Variants in ARMC2 observed in about 807,000 individuals in gnomAD.
ARMC2 encodes armadillo repeat-containing protein 2.
ARMC2 carries 67 observed loss-of-function variants against 90.3 expected under a neutral mutation model. That is an observed-to-expected ratio of 0.74 (90% CI 0.61 to 0.91). The LOEUF is 0.91. Ranked by LOEUF, ARMC2 falls within the 40% of genes least tolerant of loss-of-function variation. ARMC2 has a pLI of 0.00. For missense variants in ARMC2, 920 were observed against 1,030.9 expected (o/e 0.89, Z 1.47); for synonymous variants, 393 against 393.0 (o/e 1.00, Z 0.00).
At chr6:109,013,956 A>G in the ARMC2 span, among the ~76,000 whole-genome samples, 1 of 150,892 alleles carries the variant, frequency 6.6e-6, no homozygotes, top group Non-Finnish European at 1.5e-5. Context: ...TGGGTACATT[A>G]AGATCCTTTT....
chr6:108,888,838 C>T (rs2065861206), intron 5 of ARMC2, among the ~76,000 whole-genome samples: 1 of 152,206 alleles, frequency 6.6e-6, no homozygotes, highest in Non-Finnish European at 1.5e-5. Context: ...CACTGTCACC[C>T]TCAGATTAGT....
chr6:108,858,243 C>T lies in ARMC2; in HGVS notation c.263C>T (p.Ser88Phe). 1.2e-6 allele frequency: 2 copies of T among 1,610,924 alleles called. No individual in the cohort carries two copies. Among genetic ancestry groups the T allele is most frequent in the Non-Finnish European group, 1.7e-6 (2 of 1,177,790 alleles). Residue 88 changes from serine to phenylalanine, a missense_variant, in exon 3 of 18, where the codon TCT becomes TTT. Coordinates refer to ENST00000392644, the MANE Select transcript of ARMC2 (RefSeq NM_032131.6). ...SFESSDSRPI[S>F]GTRLSPLELK... ...GAGTCATCTGATTCCAGGCCTATCTCTGGCACACGTCTTAGTCCACTAGAG... is the reference window on the plus strand; with the variant it reads ...GAGTCATCTGATTCCAGGCCTATCTTTGGCACACGTCTTAGTCCACTAGAG...
chr6:108,952,190 G>A (rs1331217459), intron 12 of ARMC2, among the ~76,000 whole-genome samples: 1 of 152,194 alleles, frequency 6.6e-6, no homozygotes, highest in Non-Finnish European at 1.5e-5. Flanking sequence ...CACCCATGGG[G>A]AAGGCTGATC....
intron 3 of ARMC2, among the ~76,000 whole-genome samples, chr6:108,866,303 T>C (rs749154811): frequency 4.6e-5 from 7 of 152,216 alleles, no homozygotes; most frequent in Admixed American, 6.5e-5. Flanking sequence ...ATGGCCTAAG[T>C]AACATTCCTA....
At chr6:108,880,919 A>G (rs1050575591) in intron 5 of ARMC2, among the ~76,000 whole-genome samples, 4 of 151,280 alleles carry the variant, frequency 2.6e-5, no homozygotes, top group African/African-American at 9.7e-5. Flanking sequence ...GCAGTGGCAC[A>G]ATCTTGGCTC....
the ARMC2 span, chr6:108,988,759 C>A: frequency 8.1e-7 from 1 of 1,228,256 alleles, no homozygotes; most frequent in South Asian, 1.6e-5. Flanking sequence ...AAAGTATACA[C>A]ATCAATAGTT....
At chr6:108,997,667 C>T in the ARMC2 span, among the ~76,000 whole-genome samples, 3 of 151,974 alleles carry the variant, frequency 2.0e-5, no homozygotes, top group East Asian at 1.9e-4. Flanking sequence ...GTAACTTGCC[C>T]GAAGTCAAAT....
chr6:108,859,346 T>C (rs897933281), intron 3 of ARMC2, among the ~76,000 whole-genome samples: 9 of 152,146 alleles, frequency 5.9e-5, no homozygotes, highest in African/African-American at 1.9e-4. Flanking sequence ...TGCTGGCTTT[T>C]TCGTGGTTCT....
intron 5 of ARMC2, among the ~76,000 whole-genome samples, chr6:108,892,768 A>G (rs1288906563): frequency 2.0e-5 from 3 of 151,968 alleles, no homozygotes; most frequent in Non-Finnish European, 4.4e-5. Context: ...TCAAAAAAAA[A>G]AAAAAAAAAG....
intron 12 of ARMC2, among the ~76,000 whole-genome samples, chr6:108,940,641 T>G (rs1241134919): frequency 2.6e-5 from 4 of 152,168 alleles, no homozygotes; most frequent in Non-Finnish European, 5.9e-5. Flanking sequence ...CCAGGTATTC[T>G]TTTTCCTATT....
chr6:108,987,739 T>A, the ARMC2 span: 1 of 590,144 alleles, frequency 1.7e-6, no homozygotes, highest in Non-Finnish European at 3.0e-6. Flanking sequence ...ACACTTCCTA[T>A]GTAGTACAGC....
chr6:108,923,611 C>A (rs1774812306), intron 10 of ARMC2, among the ~76,000 whole-genome samples: 1 of 139,270 alleles, frequency 7.2e-6, no homozygotes, highest in South Asian at 2.4e-4. Flanking sequence ...ACTCTCCTCC[C>A]CACACCCTTT....
intron 1 of ARMC2, among the ~76,000 whole-genome samples, chr6:108,851,387 C>T (rs1489532139): frequency 6.6e-6 from 1 of 152,152 alleles, no homozygotes; most frequent in African/African-American, 2.4e-5. Flanking sequence ...AGTAATTTGT[C>T]TCTATTGTTT....
chr6:108,970,778 G>A (rs926833454), intron 17 of ARMC2, among the ~76,000 whole-genome samples: 3 of 151,956 alleles, frequency 2.0e-5, no homozygotes, highest in Non-Finnish European at 2.9e-5. Context: ...GATTATAGGC[G>A]TGAGCCACCG....
chr6:108,984,217 A>G, the ARMC2 span, among the ~76,000 whole-genome samples: 1 of 152,198 alleles, frequency 6.6e-6, no homozygotes, highest in Non-Finnish European at 1.5e-5. Context: ...CCCTGGTGCC[A>G]AAAAGGTTGG....
chr6:108,989,283 G>A, the ARMC2 span, among the ~76,000 whole-genome samples: 6 of 152,156 alleles, frequency 3.9e-5, no homozygotes, highest in African/African-American at 1.4e-4. Flanking sequence ...GATTATGGGC[G>A]TGAGCCACCG....
intron 13 of ARMC2, among the ~76,000 whole-genome samples, chr6:108,960,276 A>G (rs1348705168): frequency 2.0e-5 from 3 of 151,534 alleles, no homozygotes; most frequent in African/African-American, 7.3e-5. Flanking sequence ...CACAGTCTCC[A>G]CTCCGCCACA....
intron 7 of ARMC2, among the ~76,000 whole-genome samples, chr6:108,901,451 T>C (rs1316726759): frequency 1.3e-5 from 2 of 151,008 alleles, no homozygotes; most frequent in African/African-American, 4.9e-5. Flanking sequence ...AGTCTTGCTC[T>C]GTTGCCCAGG....
chr6:108,952,922 G>A (rs373966781), intron 12 of ARMC2, 111 bp from the exon 13 acceptor site: 44 of 1,046,260 alleles, frequency 4.2e-5, no homozygotes, highest in African/African-American at 9.6e-5. Context: ...GAAGCCAGAC[G>A]TGTTCCATTT....
Sources: gnomAD v4.1 joint callset for allele counts (sites outside exome capture counted in the v4.1 genomes callset) on GRCh38, gnomAD v4.1.1 for gene constraint, MANE v1.5 for transcripts, NCBI Gene and HGNC (gene_info 2026-07-23, HGNC 2026-07-21) for gene names.